The following JADE1 variants were observed in gnomAD, a reference collection of about 807,000 sequenced individuals.
The protein encoded by JADE1 is protein Jade-1.
A neutral mutation model predicts 81.8 loss-of-function variants in JADE1; 14 were observed. The ratio of observed to expected loss-of-function variants is 0.17; its 90% CI spans 0.11 to 0.27. The LOEUF is 0.27. Ranked by LOEUF, JADE1 falls within the 10% of genes least tolerant of loss-of-function variation. The pLI is 1.00. For missense variants in JADE1, 690 were observed against 1,047.9 expected (o/e 0.66, Z 4.71); for synonymous variants, 353 against 391.9 (o/e 0.90, Z 1.17).
intron 1 of JADE1, among the ~76,000 whole-genome samples, chr4:128,819,911 C>G (rs1727402204): frequency 6.6e-6 from 1 of 152,162 alleles, no homozygotes; most frequent in Admixed American, 6.5e-5. Flanking sequence ...TGCCCCTCCA[C>G]CCACCTGGGG....
In JADE1 at chr4:128,852,186, T is replaced by C; in HGVS notation, c.614T>C (p.Val205Ala). 1 of 1,614,132 alleles carries C rather than the reference T, an allele frequency of 6.2e-7. No individual in the cohort carries two copies. The highest frequency in any genetic ancestry group is 8.5e-7 in the Non-Finnish European group (1 of 1,179,994). The change falls in exon 6 of 11, where the codon GTC becomes GCC. Residue 205 changes from valine to alanine, a missense_variant. Transcript: ENST00000226319. ...GLGIEYDEDV[V>A]CDVCQSPDGE... is the part of the protein sequence containing the mutation. The stretch of plus-strand genomic sequence containing the variant: ...GGGATCGAATATGATGAAGATGTTG[T>C]CTGTGATGTCTGCCAGTCTCCTGAT...
At chr4:128,821,584 T>C (rs1727574993) in intron 1 of JADE1, among the ~76,000 whole-genome samples, 1 of 149,776 alleles carries the variant, frequency 6.7e-6, no homozygotes, top group Non-Finnish European at 1.5e-5. Flanking sequence ...AACCTCCGCC[T>C]CCTGGGTTCA....
intron 1 of JADE1, among the ~76,000 whole-genome samples, chr4:128,812,665 A>G (rs1454195676): frequency 6.6e-6 from 1 of 152,220 alleles, no homozygotes; most frequent in East Asian, 1.9e-4. Flanking sequence ...TGCTGAGAGC[A>G]AACAAAAAAG....
chr4:128,871,285 G>A lies in JADE1; in HGVS notation c.1622-70G>A. 7.1e-7 allele frequency: 1 copy of A among 1,415,542 alleles called. No homozygotes were observed. Among genetic ancestry groups the A allele is most frequent in the Non-Finnish European group, 9.7e-7 (1 of 1,028,936 alleles). 87.7% of individuals were successfully genotyped at this position (1,415,542 alleles called of 1,614,324 possible). ...TCACATCAATTGGGCCACACTAAGGGTGTAGAATTTTATTCTTTTGGATTT... is the reference window on the plus strand; with the variant it reads ...TCACATCAATTGGGCCACACTAAGGATGTAGAATTTTATTCTTTTGGATTT... On this transcript the variant is annotated intron_variant, in intron 10 of 10. Transcript: ENST00000226319. This position sits in a 1 kb window ranked among gnomAD's most constrained non-coding sequence, Gnocchi z 4.1.
chr4:128,862,451 T>TA (rs1331151714), intron 9 of JADE1: 8 of 1,365,890 alleles, frequency 5.9e-6, no homozygotes, highest in East Asian at 2.8e-5. Flanking sequence ...TTTTTTTTTT[T>TA]AAAAACACTT....
chr4:128,820,986 A>G (rs1727513271), intron 1 of JADE1, among the ~76,000 whole-genome samples: 1 of 152,186 alleles, frequency 6.6e-6, no homozygotes, highest in Non-Finnish European at 1.5e-5. Context: ...GGGTTGTAGA[A>G]TCCTTTCTCA....
At chr4:128,810,792 C>A (rs1371234391) in intron 1 of JADE1, among the ~76,000 whole-genome samples, 1 of 151,964 alleles carries the variant, frequency 6.6e-6, no homozygotes, top group East Asian at 1.9e-4. Context: ...AACTGGGCTT[C>A]CAGTGATCAG....
chr4:128,816,365 A>C (rs1727032631), intron 1 of JADE1: 1 of 151,988 alleles, frequency 6.6e-6, no homozygotes, highest in Non-Finnish European at 1.5e-5. Flanking sequence ...CTTTTTTTGC[A>C]GTTCATAGCC....
At chr4:128,848,243 A>G (rs1341973159) in intron 4 of JADE1, among the ~76,000 whole-genome samples, 1 of 151,946 alleles carries the variant, frequency 6.6e-6, no homozygotes, top group East Asian at 1.9e-4. Flanking sequence ...CAGTGGTGCA[A>G]TCTTGGCTCA....
intron 1 of JADE1, among the ~76,000 whole-genome samples, chr4:128,812,201 G>C (rs868736133): frequency 6.6e-6 from 1 of 152,092 alleles, no homozygotes; most frequent in Admixed American, 6.5e-5. Context: ...GCTTGGTTGC[G>C]CCACGAGAAG....
At chr4:128,845,448 C>T (rs1729787382) in intron 3 of JADE1, among the ~76,000 whole-genome samples, 1 of 152,154 alleles carries the variant, frequency 6.6e-6, no homozygotes, top group Non-Finnish European at 1.5e-5. Flanking sequence ...AGAAGTTTTG[C>T]CAGGTGAAGG....
chr4:128,859,463 GTA>G (rs577154568), intron 8 of JADE1, among the ~76,000 whole-genome samples: 274 of 152,228 alleles, frequency 1.8e-3, no homozygotes, highest in African/African-American at 6.3e-3. Context: ...GAGTGCGTGA[GTA>G]TGCACATGAG....
At chr4:128,818,523 A>C (rs17013728) in intron 1 of JADE1, among the ~76,000 whole-genome samples, 2,612 of 152,196 alleles carry the variant, frequency 0.017, 69 homozygotes, top group African/African-American at 0.059. Flanking sequence ...TGAACTAAAC[A>C]CGCATAATGG....
At chr4:128,854,501 G>C (rs1301274744) in intron 6 of JADE1, among the ~76,000 whole-genome samples, 3 of 152,102 alleles carry the variant, frequency 2.0e-5, no homozygotes, top group Non-Finnish European at 4.4e-5. Context: ...TAGTAAGTCT[G>C]CGTTGACGGT....
At chr4:128,834,293 T>G (rs1728791926) in intron 2 of JADE1, among the ~76,000 whole-genome samples, 1 of 152,196 alleles carries the variant, frequency 6.6e-6, no homozygotes, top group Non-Finnish European at 1.5e-5. Context: ...GCAGATGGAC[T>G]TCTTCTCACG....
At chr4:128,855,861 C>G in intron 7 of JADE1, 64 bp downstream of exon 7, 1 of 1,429,968 alleles carries the variant, frequency 7.0e-7, no homozygotes, top group African/African-American at 1.4e-5. Context: ...CTCTGTCGCC[C>G]AGGCTGGAGT....
At chr4:128,817,503 T>C (rs1042691524) in intron 1 of JADE1, among the ~76,000 whole-genome samples, 1 of 152,244 alleles carries the variant, frequency 6.6e-6, no homozygotes, top group Non-Finnish European at 1.5e-5. Context: ...TTTGTTTGTT[T>C]GTTTCCCACT....
At chr4:128,845,764 AAC>A (rs1424973121) in intron 3 of JADE1, among the ~76,000 whole-genome samples, 1 of 151,998 alleles carries the variant, frequency 6.6e-6, no homozygotes, top group Non-Finnish European at 1.5e-5. Flanking sequence ...TTCTACTAAA[AAC>A]ACAAAAATTA....
chr4:128,855,857 C>A, intron 7 of JADE1, 60 bp downstream of exon 7: 2 of 1,464,222 alleles, frequency 1.4e-6, no homozygotes, highest in South Asian at 1.3e-5. Flanking sequence ...TTAACTCTGT[C>A]GCCCAGGCTG....
Sources: gnomAD v4.1 joint callset for allele counts (sites outside exome capture counted in the v4.1 genomes callset) on GRCh38, gnomAD v4.1.1 for gene constraint, Gnocchi (gnomAD v3.1) non-coding constraint, MANE v1.5 for transcripts, NCBI Gene and HGNC (gene_info 2026-07-23, HGNC 2026-07-21) for gene names.